Variants in SAMD5 observed in about 807,000 individuals in gnomAD.
The protein encoded by SAMD5 is sterile alpha motif domain-containing protein 5.
In SAMD5, 13 loss-of-function variants were observed where a neutral mutation model predicts 11.3. The observed-to-expected ratio is 1.15, with a 90% CI of 0.75 to 1.83. The LOEUF (loss-of-function observed/expected upper bound fraction) is 1.83, where lower values mean the gene tolerates loss of function less well. SAMD5 is among the 40% of genes most tolerant of loss of function. The pLI is 0.00. For synonymous variants in SAMD5, 129 were observed against 111.3 expected, an observed-to-expected ratio of 1.16 and a Z score of -1.00; for missense variants, 255 against 239.1, an observed-to-expected ratio of 1.07 and a Z score of -0.44.
At chr6:147,761,245 A>ATAC in the SAMD5 span, among the ~76,000 whole-genome samples, 3 of 152,136 alleles carry the variant, frequency 2.0e-5, no homozygotes, top group African/African-American at 7.2e-5. Context: ...ATGATAATAT[A>ATAC]TACCCTACAA....
At position 147,675,284 on chromosome 6, in the gene SAMD5, G is replaced by T. The variant is rs974045195; in HGVS notation, c.163-62033G>T. 2.0e-5 allele frequency among the ~76,000 whole-genome samples: 3 copies of T among 152,184 alleles called. No homozygotes were observed. The East Asian group carries it at 5.8e-4, about 29-fold the overall frequency. On this transcript the variant is annotated intron_variant, in intron 1 of 1. Coordinates refer to the SAMD5 transcript ENST00000566741. ...ATGCTTTAATTATGACTGAAGCAGA[G>T]TTTCAGCCTATGTTCCTGGGCTTCC...
At chr6:147,685,464 C>T (rs1388452236) in intron 1 of SAMD5, among the ~76,000 whole-genome samples, 3 of 152,220 alleles carry the variant, frequency 2.0e-5, no homozygotes, top group African/African-American at 4.8e-5. Flanking sequence ...TGAGCCGCTA[C>T]ACCCAGCCAG....
chr6:147,552,043 A>G (rs570932455), intron 1 of SAMD5, among the ~76,000 whole-genome samples: 1 of 152,086 alleles, frequency 6.6e-6, no homozygotes, highest in African/African-American at 2.4e-5. Flanking sequence ...GGATGTTTCC[A>G]TGGGTCTGTA....
chr6:147,535,982 ACC>A (rs1446285823), intron 1 of SAMD5, among the ~76,000 whole-genome samples: 1 of 151,126 alleles, frequency 6.6e-6, no homozygotes, highest in African/African-American at 2.4e-5. Flanking sequence ...TAATAAAATA[ACC>A]AAGTTTTTTT....
At chr6:147,629,803 C>A (rs1351726571) in intron 1 of SAMD5, among the ~76,000 whole-genome samples, 1 of 152,128 alleles carries the variant, frequency 6.6e-6, no homozygotes, top group Non-Finnish European at 1.5e-5. Context: ...TGTTGTAGCA[C>A]CTCTTCCTTC....
chr6:147,614,699 T>C (rs1164711202), intron 1 of SAMD5, among the ~76,000 whole-genome samples: 3 of 151,882 alleles, frequency 2.0e-5, no homozygotes, highest in Non-Finnish European at 2.9e-5. Flanking sequence ...TAGTATTGCC[T>C]GGGAAGGGAC....
At chr6:147,799,429 G>A in the SAMD5 span, among the ~76,000 whole-genome samples, 3 of 151,798 alleles carry the variant, frequency 2.0e-5, no homozygotes, top group Middle Eastern at 3.4e-3. Context: ...GGTTTCTGCC[G>A]AGAGATCCGC....
At chr6:147,544,367 T>C (rs1430323018) in intron 1 of SAMD5, among the ~76,000 whole-genome samples, 1 of 152,200 alleles carries the variant, frequency 6.6e-6, no homozygotes, top group Non-Finnish European at 1.5e-5. Context: ...CTTATAGTTA[T>C]CTAGAGTATC....
the SAMD5 span, among the ~76,000 whole-genome samples, chr6:147,881,584 T>A: frequency 1.6e-4 from 25 of 152,190 alleles, no homozygotes; most frequent in Non-Finnish European, 2.9e-4. Context: ...CCAGCTTGAC[T>A]CCTGCTTGTC....
intron 1 of SAMD5, among the ~76,000 whole-genome samples, chr6:147,682,469 C>T (rs1387770177): frequency 3.3e-5 from 5 of 152,118 alleles, no homozygotes; most frequent in African/African-American, 1.2e-4. Context: ...AATCTCTGAT[C>T]ACTCCAAGGT....
the SAMD5 span, among the ~76,000 whole-genome samples, chr6:147,782,195 GAA>G: frequency 1.3e-5 from 2 of 151,020 alleles, no homozygotes; most frequent in South Asian, 4.2e-4. Context: ...GGAGGTCAAA[GAA>G]AATAAATATG....
intron 1 of SAMD5, among the ~76,000 whole-genome samples, chr6:147,534,102 G>A (rs972975879): frequency 4.6e-5 from 7 of 152,258 alleles, no homozygotes; most frequent in African/African-American, 1.2e-4. Context: ...GACATGACCC[G>A]GGGTACCTAG....
intron 1 of SAMD5, among the ~76,000 whole-genome samples, chr6:147,530,018 A>G (rs1274640688): frequency 6.6e-6 from 1 of 152,200 alleles, no homozygotes; most frequent in African/African-American, 2.4e-5. Context: ...ATTCTTCAGC[A>G]CCTTTTCTTA....
chr6:147,741,481 T>G (rs1791878850), downstream of SAMD5: 1 of 152,218 alleles, frequency 6.6e-6, no homozygotes, highest in South Asian at 2.1e-4. Context: ...TATTCTGAAC[T>G]GTTGAAGTGT....
chr6:147,620,985 TGTGTGCGC>T (rs140229884), intron 1 of SAMD5, among the ~76,000 whole-genome samples: 44,398 of 144,494 alleles, frequency 0.31, 7,766 homozygotes, highest in Non-Finnish European at 0.4. Flanking sequence ...TGTGTGTGTG[TGTGTGCGC>T]GCGCGCACAT....
chr6:147,549,218 A>G (rs758721841), intron 1 of SAMD5, among the ~76,000 whole-genome samples: 1 of 152,220 alleles, frequency 6.6e-6, no homozygotes, highest in Non-Finnish European at 1.5e-5. Context: ...CACCAGTTCA[A>G]ATCATCTTGG....
chr6:147,920,458 G>T, the SAMD5 span, among the ~76,000 whole-genome samples: 1 of 152,126 alleles, frequency 6.6e-6, no homozygotes, highest in Non-Finnish European at 1.5e-5. Flanking sequence ...ACTTGGACTG[G>T]CTTCCTTGCT....
intron 1 of SAMD5, among the ~76,000 whole-genome samples, chr6:147,584,261 G>A (rs1789342727): frequency 6.6e-6 from 1 of 152,142 alleles, no homozygotes; most frequent in South Asian, 2.1e-4. Context: ...TGTGATGGGA[G>A]GTTCATAAAC....
chr6:147,819,010 A>G, the SAMD5 span, among the ~76,000 whole-genome samples: 10 of 152,220 alleles, frequency 6.6e-5, no homozygotes, highest in African/African-American at 2.4e-4. Flanking sequence ...TCGTTCTACC[A>G]TAAAGACACA....
Sources: allele counts gnomAD v4.1 joint callset (sites outside exome capture counted in the v4.1 genomes callset), GRCh38; gene constraint gnomAD v4.1.1; transcripts MANE v1.5; gene names NCBI Gene and HGNC (gene_info 2026-07-23, HGNC 2026-07-21).